Variants in SLC1A6 observed in about 807,000 individuals in gnomAD.
The protein encoded by SLC1A6 is solute carrier family 1 member 6, also known as excitatory amino acid transporter 4.
Under a neutral mutation model 42.1 loss-of-function variants are expected in SLC1A6, and 15 were observed. The ratio of observed to expected loss-of-function variants is 0.36; its 90% CI spans 0.24 to 0.55. The LOEUF is 0.55. Among genes scored for constraint, SLC1A6 ranks in the 20% least tolerant of loss-of-function variants. The pLI is 0.88. For synonymous variants in SLC1A6, 317 were observed against 319.7 expected (o/e 0.99, Z 0.09); for missense variants, 542 against 772.5 (o/e 0.70, Z 3.54).
At chr19:14,961,504 T>G in intron 6 of SLC1A6, 1 of 153,960 alleles carries the variant, frequency 6.5e-6, no homozygotes, top group Non-Finnish European at 1.4e-5. Flanking sequence ...AGCAAGGGAG[T>G]GAACAAGTGA....
intron 1 of SLC1A6, among the ~76,000 whole-genome samples, chr19:15,003,190 C>T (rs1271005586): frequency 6.6e-6 from 1 of 152,082 alleles, no homozygotes; most frequent in Non-Finnish European, 1.5e-5. Context: ...GTTGGCCAGG[C>T]TGGTCTCGAA....
intron 1 of SLC1A6, among the ~76,000 whole-genome samples, chr19:14,988,092 G>T (rs2045801841): frequency 6.6e-6 from 1 of 152,298 alleles, no homozygotes; most frequent in East Asian, 1.9e-4. Context: ...AGAATTTCTT[G>T]AACCCAGGAG....
intron 1 of SLC1A6, among the ~76,000 whole-genome samples, chr19:14,995,095 C>T (rs750879086): frequency 2.0e-5 from 3 of 151,926 alleles, no homozygotes; most frequent in African/African-American, 7.3e-5. Context: ...GAGGCCAAGA[C>T]GGGTGGATCA....
At chr19:14,955,261 G>C (rs2045451250) in intron 7 of SLC1A6, among the ~76,000 whole-genome samples, 2 of 152,140 alleles carry the variant, frequency 1.3e-5, no homozygotes, top group South Asian at 4.1e-4. Flanking sequence ...CACATTCCCT[G>C]ACCAGCGTTA....
intron 1 of SLC1A6, among the ~76,000 whole-genome samples, chr19:14,985,881 C>T (rs534652324): frequency 6.6e-6 from 1 of 152,186 alleles, no homozygotes; most frequent in Admixed American, 6.5e-5. Flanking sequence ...TTGTTTGAAC[C>T]CAGGAGGTGG....
upstream of SLC1A6, chr19:14,980,007 C>T (rs568236632): frequency 1.3e-5 from 2 of 152,452 alleles, no homozygotes; most frequent in Admixed American, 6.5e-5. Flanking sequence ...GGGAACAGGC[C>T]CTGGCACCGC....
chr19:14,956,933 C>G (rs1288438858), intron 6 of SLC1A6, among the ~76,000 whole-genome samples: 1 of 152,140 alleles, frequency 6.6e-6, no homozygotes, highest in African/African-American at 2.4e-5. Flanking sequence ...CATCTCCCCA[C>G]CATGGTAGAA....
At chr19:14,959,306 C>T (rs12462958) in intron 6 of SLC1A6, among the ~76,000 whole-genome samples, 19,796 of 152,134 alleles carry the variant, frequency 0.13, 1,642 homozygotes, top group African/African-American at 0.24. Flanking sequence ...ATTAGCCAGT[C>T]GGGATTTAGT....
At chr19:14,974,991 C>T (rs1255218222) in intron 1 of SLC1A6, 4 of 151,942 alleles carry the variant, frequency 2.6e-5, no homozygotes, top group Non-Finnish European at 5.9e-5. Context: ...GCATGAGACA[C>T]CGCACCCACC....
Position 14,954,290 on chromosome 19 carries a change from C to T in SLC1A6, c.1209G>A (p.Glu403=). The T allele has an allele frequency of 1.9e-6, 3 of 1,612,322 alleles. No homozygotes were observed. The East Asian group carries it at 6.7e-5, about 36-fold the overall frequency. ...TGATGCGGCGGTCCACACCCAGGCCCTCCTCCAGGCAGCGGAAGGTGATGG... is the reference window on the plus strand; with the variant it reads ...TGATGCGGCGGTCCACACCCAGGCCTTCCTCCAGGCAGCGGAAGGTGATGG... ...TLPITFRCLE[E]GLGVDRRITR... Residue 403 remains glutamate (E), a synonymous_variant, in exon 8 of 10, where the codon GAG becomes GAA. Coordinates refer to ENST00000594383, the MANE Select transcript of SLC1A6 (RefSeq NM_005071.3).
intron 1 of SLC1A6, among the ~76,000 whole-genome samples, chr19:14,995,517 A>G (rs547673083): frequency 1.3e-5 from 2 of 152,050 alleles, no homozygotes; most frequent in Non-Finnish European, 2.9e-5. Flanking sequence ...ATTGTACAGC[A>G]TGGTTACCCT....
At chr19:15,010,052 G>C (rs1041299036) in intron 1 of SLC1A6, among the ~76,000 whole-genome samples, 4 of 151,830 alleles carry the variant, frequency 2.6e-5, no homozygotes, top group Admixed American at 1.3e-4. Context: ...TGGGCATGGT[G>C]GTGGGCGCCT....
At position 14,954,129 on chromosome 19, in the gene SLC1A6, C is replaced by G. The variant is rs753286207; in HGVS notation, c.1364+6G>C. The G allele has an allele frequency of 2.5e-6, 4 of 1,588,966 alleles. No individual in the cohort carries two copies. The Admixed American group carries it at 6.8e-5, about 27-fold the overall frequency. ...CTGCTGGCAGGTCCTACCCAAGCCC[C>G]CTCACCTGATGGTTGTGATCTGACC... On this transcript the variant is annotated splice_donor_region_variant and intron_variant, in intron 8 of 9. Transcript: ENST00000594383.
chr19:14,971,848 G>T lies in SLC1A6; in HGVS notation c.232C>A (p.Pro78Thr), dbSNP rs765917635. The T allele has an allele frequency of 2.5e-6, 4 of 1,614,186 alleles. No individual in the cohort carries two copies. In the Admixed American group the frequency reaches 6.7e-5, roughly 27 times the overall value. ...IGVSLAFALR[P>T]YQLTYRQIKY... ...ATCTGGCGGTAGGTGAGCTGATATG[G>T]GCGCAGGGCAAAGGCCAGGCTGACC... Residue 78 changes from proline to threonine, a missense_variant, in exon 3 of 10, where the codon CCA becomes ACA. By Grantham distance (38) the Pro-to-Thr change is conservative. Around this residue, in one of 6 missense-constraint regions of SLC1A6, gnomAD observed 25 missense variants for 32.3 expected, o/e 0.77. Coordinates refer to ENST00000594383, the MANE Select transcript of SLC1A6 (RefSeq NM_005071.3).
chr19:14,988,552 A>G lies in SLC1A6; in HGVS notation c.7-15635T>C, dbSNP rs1009996610. Among the ~76,000 whole-genome samples the G allele has an allele frequency of 2.0e-5, 3 of 152,218 alleles. No homozygotes were observed. The East Asian group carries it at 5.8e-4, about 29-fold the overall frequency. On this transcript the variant is annotated intron_variant, in intron 1 of 8. Coordinates refer to the SLC1A6 transcript ENST00000430939. ...AAAGAAAAAATGCTGAATATAATTA[A>G]TCATCAGGGAAATGCAAATTAAAAC...
At chr19:15,010,628 G>A (rs2045922202), upstream of SLC1A6, 1 of 652,270 alleles carries the variant, frequency 1.5e-6, no homozygotes, top group Admixed American at 2.7e-5. Context: ...AGTGCACTTA[G>A]GCCAAGTTCC....
In SLC1A6 at chr19:14,971,886, A is replaced by T; in HGVS notation, c.206-12T>A. The T allele has an allele frequency of 6.2e-7, 1 of 1,613,854 alleles. No homozygotes were observed. Among genetic ancestry groups the T allele is most frequent in the Non-Finnish European group, 8.5e-7 (1 of 1,179,888 alleles). ...GGCCAGGCTGACCCCTAGGGCCAAA[A>T]GAAGGGGTCCATGGACTGAAGTCTG... On this transcript the variant is annotated splice_polypyrimidine_tract_variant and intron_variant, in intron 2 of 9. Transcript: ENST00000594383.
chr19:14,964,772 T>C (rs1162089001), intron 4 of SLC1A6, among the ~76,000 whole-genome samples: 1 of 152,180 alleles, frequency 6.6e-6, no homozygotes, highest in Non-Finnish European at 1.5e-5. Context: ...CTTTTAACTT[T>C]AGGTTTCGTC....
rs1568286882 is a variant in SLC1A6 at position 14,962,189 on chromosome 19, T to A, written c.748A>T (p.Met250Leu). The A allele has an allele frequency of 1.2e-6, 2 of 1,614,084 alleles. No individual in the cohort carries two copies. The highest frequency in any genetic ancestry group is 1.7e-6 in the Non-Finnish European group (2 of 1,180,006). ...GGTACAGTCTCCTCAAAGCTCAGCATCTCCTGCAGGGTACCCAAGGCCCGA... is the reference window on the plus strand; with the variant it reads ...GGTACAGTCTCCTCAAAGCTCAGCAACTCCTGCAGGGTACCCAAGGCCCGA... ...VTRALGTLQE[M>L]LSFEETVPVP... Residue 250 changes from methionine (M) to leucine (L), a missense_variant, in exon 6 of 10, where the codon ATG (methionine) becomes TTG (leucine). Physicochemically the swap from Met to Leu is conservative, Grantham distance 15 (BLOSUM62 2). Around this residue, in one of 6 missense-constraint regions of SLC1A6, gnomAD observed 298 missense variants for 419.4 expected, o/e 0.71. Transcript: ENST00000594383.
Sources: gnomAD v4.1 joint callset for allele counts (sites outside exome capture counted in the v4.1 genomes callset) on GRCh38, gnomAD v4.1.1 for gene constraint, gnomAD v4.1.1 regional missense constraint, MANE v1.5 for transcripts, NCBI Gene and HGNC (gene_info 2026-07-23, HGNC 2026-07-21) for gene names.